Variants in B4GALNT4 observed in about 807,000 individuals in gnomAD.
The protein encoded by B4GALNT4 is beta-1,4-N-acetyl-galactosaminyltransferase 4, also known as N-acetyl-beta-glucosaminyl-glycoprotein 4-beta-N-acetylgalactosaminyltransferase 1.
B4GALNT4 carries 77 observed loss-of-function variants against 110.0 expected under a neutral mutation model. The ratio of observed to expected loss-of-function variants is 0.70; its 90% CI spans 0.58 to 0.85. The LOEUF (loss-of-function observed/expected upper bound fraction) is 0.85, where lower values mean the gene tolerates loss of function less well. B4GALNT4 is among the 40% of genes least tolerant of loss of function. The pLI is 0.00. For synonymous variants in B4GALNT4, 785 were observed against 655.5 expected, an observed-to-expected ratio of 1.20 and a Z score of -3.02; for missense variants, 1,575 against 1,506.0, an observed-to-expected ratio of 1.05 and a Z score of -0.76.
Position 375,697 on chromosome 11 carries a change from C to T in B4GALNT4, c.909C>T (p.His303=), listed in dbSNP as rs1311295987. Residue 303 remains histidine, a synonymous_variant, in exon 10 of 20, where the codon CAC becomes CAT. Coordinates refer to ENST00000329962, the MANE Select transcript of B4GALNT4 (RefSeq NM_178537.5). ...VAHVPQSPAS[H]VGGRPPQEET... ...ACGTCCCCCAGTCTCCAGCCAGCCA[C>T]GTGGGGGGGCGTCCGCCGCAGGAGG... 1.9e-6 allele frequency: 3 copies of T among 1,593,894 alleles called. No individual in the cohort carries two copies. Among genetic ancestry groups the T allele is most frequent in the African/African-American group, 1.3e-5 (1 of 74,774 alleles).
intron 1 of B4GALNT4, among the ~76,000 whole-genome samples, chr11:370,252 T>C (rs76560824): frequency 0.079 from 11,952 of 152,080 alleles, 652 homozygotes; most frequent in Admixed American, 0.15. Flanking sequence ...GGGATCTGGC[T>C]TGGATCCGGT....
At position 381,910 on chromosome 11, in the gene B4GALNT4, G is replaced by A. The variant is rs1846884720; in HGVS notation, c.*118G>A. 1 of 1,253,354 alleles carries A rather than the reference G, an allele frequency of 8.0e-7. No homozygotes were observed. The allele number at this position is 1,253,354 out of a possible 1,614,324, so 77.6% of individuals were successfully genotyped here. On this transcript the variant is annotated 3_prime_UTR_variant, in exon 20 of 20. Coordinates refer to ENST00000329962, the MANE Select transcript of B4GALNT4 (RefSeq NM_178537.5). ...GGTCAGAGGGGCACAGCCACCGCCTGTGCCTGCCCCTCTCTGGCCCACTGG... is the reference window on the plus strand; with the variant it reads ...GGTCAGAGGGGCACAGCCACCGCCTATGCCTGCCCCTCTCTGGCCCACTGG...
At chr11:380,599 A>G (rs1425212761) in intron 18 of B4GALNT4, 154 bp downstream of exon 18, 2 of 1,286,186 alleles carry the variant, frequency 1.6e-6, no homozygotes, top group African/African-American at 1.5e-5. Context: ...CCCCCGCACC[A>G]GCACACCCAG....
In B4GALNT4 at chr11:372,106, C is replaced by T. The variant is rs918404923; in HGVS notation, c.152-3C>T. 1.4e-5 allele frequency: 22 copies of T among 1,548,640 alleles called. No individual in the cohort carries two copies. Among genetic ancestry groups the T allele is most frequent in the Non-Finnish European group, 1.9e-5 (22 of 1,146,528 alleles). On this transcript the variant is annotated splice_polypyrimidine_tract_variant and splice_region_variant and intron_variant, in intron 1 of 19. Coordinates refer to ENST00000329962, the MANE Select transcript of B4GALNT4 (RefSeq NM_178537.5). Reference sequence around the variant, plus strand: ...CGAGACAGGCCTCATGTGCCACCTGCAGATGGTGAGAAGCTGACCAGTGAG... The same window carrying T: ...CGAGACAGGCCTCATGTGCCACCTGTAGATGGTGAGAAGCTGACCAGTGAG...
In B4GALNT4 at chr11:372,884, G is replaced by A. The variant is rs1435647666; in HGVS notation, c.381G>A (p.Glu127=). The change falls in exon 4 of 20, where the codon GAG becomes GAA. Residue 127 remains glutamate (E), a synonymous_variant. Coordinates refer to ENST00000329962, the MANE Select transcript of B4GALNT4 (RefSeq NM_178537.5). ...GGCAGGTGAACCTGCACGTGTTTGA[G>A]GACTGGTGTGGGGGCGCCGTGGGCC... ...YKGQVNLHVF[E]DWCGGAVGHL... The A allele has an allele frequency of 1.2e-6, 2 of 1,612,190 alleles. No homozygotes were observed. Among genetic ancestry groups the A allele is most frequent in the East Asian group, 4.5e-5 (2 of 44,836 alleles).
In B4GALNT4 at chr11:375,424, C is replaced by T. The variant is rs374188725; in HGVS notation, c.784-37C>T. ...CCCTTTCTTCCCTGGACCCAGCCAC[C>T]GCCCTGTCCCTGACCCCCACCCTCT... On this transcript the variant is annotated intron_variant, in intron 8 of 19. Transcript: ENST00000329962. 1.2e-5 allele frequency: 20 copies of T among 1,608,256 alleles called. No individual in the cohort carries two copies. In the African/African-American group the frequency reaches 1.5e-4, roughly 12 times the overall value.
At position 379,718 on chromosome 11, in the gene B4GALNT4, C is replaced by A; in HGVS notation, c.2488+17C>A. The A allele has an allele frequency of 6.7e-7, 1 of 1,500,808 alleles. No homozygotes were observed. The allele number at this position is 1,500,808 out of a possible 1,614,324, so 93.0% of individuals were successfully genotyped here. ...TCGTGCCAGGTTCGCAGGGCGGGCT[C>A]GGGGTGTCCGGGAGACCTCGTGGAA... On this transcript the variant is annotated intron_variant, in intron 15 of 19. Coordinates refer to ENST00000329962, the MANE Select transcript of B4GALNT4 (RefSeq NM_178537.5).
Position 373,684 on chromosome 11 carries a change from C to T in B4GALNT4, c.705-66C>T. 4 of 1,571,306 alleles carry T rather than the reference C, an allele frequency of 2.5e-6. No homozygotes were observed. In the South Asian group the frequency reaches 4.4e-5, roughly 17 times the overall value. ...CTGAGGGGTGTGGGAGCCACCTGCC[C>T]CCTTCCCTGCCTCCACTATTTGAGC... On this transcript the variant is annotated intron_variant, in intron 7 of 19. Transcript: ENST00000329962.
rs1455010462 is a variant in B4GALNT4, at chr11:381,148, G to A, written c.2996+197G>A. The A allele has an allele frequency of 4.1e-6, 4 of 984,958 alleles. No homozygotes were observed. The African/African-American group carries it at 5.3e-5, about 13-fold the overall frequency. 61.0% of individuals were successfully genotyped at this position (984,958 alleles called of 1,614,324 possible). On this transcript the variant is annotated intron_variant, in intron 19 of 19. Coordinates refer to ENST00000329962, the MANE Select transcript of B4GALNT4 (RefSeq NM_178537.5). The stretch of plus-strand genomic sequence containing the variant: ...TTCTGAAACCCTGTCCCACCCCCAG[G>A]GTCCTGCAAGGTCAGGGACATCCCT...
Position 369,814 on chromosome 11 carries a change from TC to T in B4GALNT4, c.14del (p.Pro5ArgfsTer2). The T allele has an allele frequency of 1.0e-6, 1 of 980,782 alleles. No individual in the cohort carries two copies. 60.8% of individuals were successfully genotyped at this position (980,782 alleles called of 1,614,324 possible). MPRLPVKKIRKQMK... is the reference protein window; with the variant it reads MPRXPVKKIRKQMK... The stretch of plus-strand genomic sequence containing the variant: ...GGCGCGGCGGCCGCGATGCCGCGGC[TC>T]CCGGTGAAGAAGATCCGTAAGCAGA... On this transcript the variant is annotated frameshift_variant, in exon 1 of 20. Coordinates refer to ENST00000329962, the MANE Select transcript of B4GALNT4 (RefSeq NM_178537.5). LOFTEE classifies it high-confidence loss of function.
chr11:373,835 G>T lies in B4GALNT4; in HGVS notation c.783+7G>T. On this transcript the variant is annotated splice_region_variant and intron_variant, in intron 8 of 19. Transcript: ENST00000329962. ...GGACCACGTGGAAGTGGGCGTGAGT[G>T]CCTTCCTCCCCTGGGGGCTTCTGGA... 6.2e-7 allele frequency: 1 copy of T among 1,611,312 alleles called. No individual in the cohort carries two copies.
intron 14 of B4GALNT4, among the ~76,000 whole-genome samples, chr11:377,880 C>T (rs1296653042): frequency 6.6e-6 from 1 of 152,236 alleles, no homozygotes; most frequent in Non-Finnish European, 1.5e-5. Context: ...GTCTGCCCTC[C>T]CTGCAGGCTG....
Position 377,269 on chromosome 11 carries a change from G to A in B4GALNT4, c.2146G>A (p.Ala716Thr), listed in dbSNP as rs1396544612. ...TTCGGGGAACCTGCAGCTGCCGGAG[G>A]CGGAGGCCGTGGACGTGACCGCTCA... ...NVSGNLQLPEAEAVDVTAQYM... is the reference protein window; with the variant it reads ...NVSGNLQLPETEAVDVTAQYM... Residue 716 changes from alanine to threonine, a missense_variant, in exon 14 of 20, where the codon GCG (alanine) becomes ACG (threonine). Transcript: ENST00000329962. The A allele has an allele frequency of 4.4e-6, 7 of 1,594,326 alleles. No homozygotes were observed. Among genetic ancestry groups the A allele is most frequent in the Non-Finnish European group, 6.0e-6 (7 of 1,171,802 alleles).
Position 373,829 on chromosome 11 carries a change from G to C in B4GALNT4, c.783+1G>C. 6.2e-7 allele frequency: 1 copy of C among 1,611,516 alleles called. No homozygotes were observed. Among genetic ancestry groups the C allele is most frequent in the African/African-American group, 1.3e-5 (1 of 75,002 alleles). ...CGGCTCGGACCACGTGGAAGTGGGC[G>C]TGAGTGCCTTCCTCCCCTGGGGGCT... is the stretch of plus-strand genomic sequence containing the variant. On this transcript the variant is annotated splice_donor_variant, in intron 8 of 19. Coordinates refer to ENST00000329962, the MANE Select transcript of B4GALNT4 (RefSeq NM_178537.5). LOFTEE classifies it high-confidence loss of function.
chr11:378,880 C>T (rs1846813881), intron 14 of B4GALNT4, among the ~76,000 whole-genome samples: 1 of 152,052 alleles, frequency 6.6e-6, no homozygotes, highest in South Asian at 2.1e-4. Flanking sequence ...GACCCAGGGC[C>T]TGGAAGAGGA....
chr11:371,713 A>C (rs531932785), intron 1 of B4GALNT4, among the ~76,000 whole-genome samples: 1 of 152,360 alleles, frequency 6.6e-6, no homozygotes, highest in South Asian at 2.1e-4. Context: ...GCACACAGAG[A>C]AAGTGCTGAG....
chr11:375,487 G>T lies in B4GALNT4; in HGVS notation c.810G>T (p.Lys270Asn), dbSNP rs1261883279. Reference protein sequence around the residue: ...VGWRAFLPGLKFEVISSAHIS... With the variant: ...VGWRAFLPGLNFEVISSAHIS... Reference sequence around the variant, plus strand: ...GGCGAGCTTTCCTGCCCGGCCTGAAGTTCGAGGTCATCAGCTCTGCTCACA... The same window carrying T: ...GGCGAGCTTTCCTGCCCGGCCTGAATTTCGAGGTCATCAGCTCTGCTCACA... The change falls in exon 9 of 20, where the codon AAG becomes AAT. Residue 270 changes from lysine to asparagine, a missense_variant. Physicochemically the swap from Lys to Asn is moderately conservative, Grantham distance 94. Transcript: ENST00000329962. 1.2e-6 allele frequency: 2 copies of T among 1,611,832 alleles called. No individual in the cohort carries two copies. The highest frequency in any genetic ancestry group is 1.7e-6 in the Non-Finnish European group (2 of 1,179,776).
rs749027825 is a variant in B4GALNT4 at position 380,295 on chromosome 11, G to A, written c.2719G>A (p.Ala907Thr). The change falls in exon 18 of 20, where the codon GCC (alanine) becomes ACC (threonine). Residue 907 changes from alanine to threonine, a missense_variant. Physicochemically the swap from Ala to Thr is moderately conservative, Grantham distance 58 (BLOSUM62 0). Coordinates refer to ENST00000329962, the MANE Select transcript of B4GALNT4 (RefSeq NM_178537.5). ...TCAGACCTCCCGCACCCCCCAGGACGCCAGCAGCATCGTGTTCCTCTGCGA... is the reference window on the plus strand; with the variant it reads ...TCAGACCTCCCGCACCCCCCAGGACACCAGCAGCATCGTGTTCCTCTGCGA... ...LQAGVDAVED[A>T]SSIVFLCDLH... 1 of 1,612,974 alleles carries A rather than the reference G, an allele frequency of 6.2e-7. No homozygotes were observed. The highest frequency in any genetic ancestry group is 8.5e-7 in the Non-Finnish European group (1 of 1,179,650).
Position 376,754 on chromosome 11 carries a change from G to C in B4GALNT4, c.1631G>C (p.Arg544Pro). Reference protein sequence around the residue: ...QRASPRAPAPRAPWPPFPGVF... With the variant: ...QRASPRAPAPPAPWPPFPGVF... ...GCATCCCCCCGGGCCCCAGCGCCGC[G>C]TGCGCCCTGGCCGCCCTTCCCTGGC... Residue 544 changes from arginine (R) to proline (P), a missense_variant, in exon 14 of 20, where the codon CGT (arginine) becomes CCT (proline). Transcript: ENST00000329962. 2 of 1,389,520 alleles carry C rather than the reference G, an allele frequency of 1.4e-6. No homozygotes were observed. The highest frequency in any genetic ancestry group is 1.9e-6 in the Non-Finnish European group (2 of 1,076,000). 86.1% of individuals were successfully genotyped at this position (1,389,520 alleles called of 1,614,324 possible).
Sources: allele counts gnomAD v4.1 joint callset (sites outside exome capture counted in the v4.1 genomes callset), GRCh38; gene constraint gnomAD v4.1.1; transcripts MANE v1.5; gene names NCBI Gene and HGNC (gene_info 2026-07-23, HGNC 2026-07-21).